CHRNA3: variants seen among roughly 807,000 people sequenced by gnomAD.
CHRNA3 encodes the protein neuronal acetylcholine receptor subunit alpha-3.
In CHRNA3, 34 loss-of-function variants were observed where a neutral mutation model predicts 41.9. The ratio of observed to expected loss-of-function variants is 0.81; its 90% CI spans 0.62 to 1.08. The LOEUF is 1.08. CHRNA3 is among the 50% of genes least tolerant of loss of function. CHRNA3 has a pLI of 0.00. For synonymous variants in CHRNA3, 281 were observed against 265.2 expected (o/e 1.06, Z -0.58); for missense variants, 542 against 638.3 (o/e 0.85, Z 1.63).
At chr15:78,620,409 C>A in intron 1 of CHRNA3, 2 of 262,038 alleles carry the variant, frequency 7.6e-6, no homozygotes, top group Non-Finnish European at 1.5e-5. Context: ...ACGCGAATCC[C>A]CAACTCCTGC....
rs539724830 is a variant in CHRNA3, at chr15:78,614,275, A to T, written c.377+2749T>A. 5.9e-5 allele frequency among the ~76,000 whole-genome samples: 9 copies of T among 152,314 alleles called. No homozygotes were observed. In the South Asian group the frequency reaches 1.9e-3, roughly 32 times the overall value. ...CATTTTCTTAATTGTAGCTTAGCAA[A>T]AATTCTCTACACCCTGCCCAGTTCC... On this transcript the variant is annotated intron_variant, in intron 4 of 5. Coordinates refer to ENST00000326828, the MANE Select transcript of CHRNA3 (RefSeq NM_000743.5).
chr15:78,613,244 C>T (rs2053408013), intron 4 of CHRNA3, among the ~76,000 whole-genome samples: 1 of 152,186 alleles, frequency 6.6e-6, no homozygotes, highest in Non-Finnish European at 1.5e-5. Flanking sequence ...GACTATAAAT[C>T]ATGCTGTTAT....
At chr15:78,600,467 C>T (rs2053180312) in intron 5 of CHRNA3, among the ~76,000 whole-genome samples, 1 of 152,152 alleles carries the variant, frequency 6.6e-6, no homozygotes, top group Admixed American at 6.5e-5. Context: ...TATATCTTTA[C>T]CTGGGTCTTG....
chr15:78,598,173 C>T (rs2053141510), intron 5 of CHRNA3, among the ~76,000 whole-genome samples: 1 of 152,158 alleles, frequency 6.6e-6, no homozygotes, highest in Admixed American at 6.6e-5. Context: ...AATTCCATGA[C>T]CGCTCTTAGC....
chr15:78,620,901 C>T lies in CHRNA3; in HGVS notation c.-107G>A. 8.0e-7 allele frequency: 1 copy of T among 1,246,900 alleles called. No individual in the cohort carries two copies. Among genetic ancestry groups the T allele is most frequent in the Non-Finnish European group, 1.0e-6 (1 of 996,182 alleles). 77.2% of individuals were successfully genotyped at this position (1,246,900 alleles called of 1,614,324 possible). A position where few individuals can be genotyped will look rare whatever the true frequency, so the allele number is the denominator to read the frequency against. On this transcript the variant is annotated 5_prime_UTR_variant, in exon 1 of 6. Transcript: ENST00000326828. ...TCCAGCGCAGACCCCAGACCTGGAGCCGTGCGGGCGGAGACGCGCGGGGCT... is the reference window on the plus strand; with the variant it reads ...TCCAGCGCAGACCCCAGACCTGGAGTCGTGCGGGCGGAGACGCGCGGGGCT...
chr15:78,617,354 G>A (rs1165753291), intron 3 of CHRNA3, among the ~76,000 whole-genome samples: 1 of 152,120 alleles, frequency 6.6e-6, no homozygotes, highest in Admixed American at 6.5e-5. Flanking sequence ...GGAAGCCACT[G>A]CCCCCATAAC....
chr15:78,596,723 C>T lies in CHRNA3; in HGVS notation c.1399G>A (p.Asp467Asn). ...AQNEAKEIQDDWKYVAMVIDR... is the reference protein window; with the variant it reads ...AQNEAKEIQDNWKYVAMVIDR... ...ATCACCATGGCAACATACTTCCAAT[C>T]ATCTTGAATCTGCAAAACAAAATGA... Residue 467 changes from aspartate (D) to asparagine (N), a missense_variant, in exon 6 of 6, where the codon GAT becomes AAT. Coordinates refer to ENST00000326828, the MANE Select transcript of CHRNA3 (RefSeq NM_000743.5). 6.2e-7 allele frequency: 1 copy of T among 1,601,082 alleles called. No individual in the cohort carries two copies.
intron 4 of CHRNA3, among the ~76,000 whole-genome samples, chr15:78,613,778 A>AAAAAAAAAAAC (rs2053420883): frequency 7.9e-6 from 1 of 126,446 alleles, no homozygotes; most frequent in Non-Finnish European, 1.6e-5. Context: ...AAAAAAAACC[A>AAAAAAAAAAAC]AAAAAAACCA....
rs1386498088 is a variant in CHRNA3, at chr15:78,618,911, G to C, written c.87C>G (p.Ala29=). Residue 29 remains alanine, a synonymous_variant, in exon 2 of 6, where the codon GCC becomes GCG. Coordinates refer to ENST00000326828, the MANE Select transcript of CHRNA3 (RefSeq NM_000743.5). The part of the protein sequence containing the change: ...LLLLLSLLPV[A]RASEAEHRLF... ...GACGGTGCTCAGCCTCTGAGGCCCT[G>C]GCCACTGTGGGAAGCAGCCCTGTCA... 1.2e-6 allele frequency: 2 copies of C among 1,613,232 alleles called. No individual in the cohort carries two copies. Among genetic ancestry groups the C allele is most frequent in the Non-Finnish European group, 1.7e-6 (2 of 1,179,956 alleles).
At chr15:78,593,588 A>C (rs1023503238), downstream of CHRNA3, 1 of 168,610 alleles carries the variant, frequency 5.9e-6, no homozygotes, top group African/African-American at 2.4e-5. Context: ...TTCCAGTTGT[A>C]TTTGAAGACT....
At position 78,618,572 on chromosome 15, in the gene CHRNA3, C is replaced by T. The variant is rs754240242; in HGVS notation, c.267+45G>A. The T allele has an allele frequency of 4.3e-6, 7 of 1,611,326 alleles. No homozygotes were observed. The East Asian group carries it at 1.6e-4, about 36-fold the overall frequency. On this transcript the variant is annotated intron_variant, in intron 3 of 5. Coordinates refer to ENST00000326828, the MANE Select transcript of CHRNA3 (RefSeq NM_000743.5). ...CTTGGTTCACCTAAAGCAAATAAAA[C>T]AGTCACCACCAGGGGGCAGCAGTGC...
At position 78,601,528 on chromosome 15, in the gene CHRNA3, G is replaced by A. The variant is rs377526041; in HGVS notation, c.1114C>T (p.Leu372Phe). Residue 372 changes from leucine to phenylalanine, a missense_variant, in exon 5 of 6, where the codon CTC becomes TTC. By Grantham distance (22) the Leu-to-Phe change is conservative (BLOSUM62 0). Transcript: ENST00000326828. ...NEGNAQKPRP[L>F]YGAELSNLNC... ...AGATTTGAGAGCTCGGCACCGTAGA[G>A]GGGCCTCGGCTTCTGAGCGTTGCCC... 4 of 1,614,040 alleles carry A rather than the reference G, an allele frequency of 2.5e-6. No individual in the cohort carries two copies. Among genetic ancestry groups the A allele is most frequent in the Non-Finnish European group, 3.4e-6 (4 of 1,180,044 alleles).
At chr15:78,604,996 G>A (rs1596075830) in intron 4 of CHRNA3, among the ~76,000 whole-genome samples, 1 of 77,854 alleles carries the variant, frequency 1.3e-5, no homozygotes, top group South Asian at 6.1e-4. Flanking sequence ...CTGGGTGACA[G>A]AGTGAGATTC....
Position 78,617,103 on chromosome 15 carries a change from G to A in CHRNA3, c.298C>T (p.Pro100Ser), listed in dbSNP as rs1192780226. The change falls in exon 4 of 6, where the codon CCC becomes TCC. Residue 100 changes from proline (P) to serine (S), a missense_variant. Transcript: ENST00000326828. ...IWNDYKLKWNPSDYGGAEFMR... is the reference protein window; with the variant it reads ...IWNDYKLKWNSSDYGGAEFMR... The stretch of plus-strand genomic sequence containing the variant: ...AACTCTGCCCCACCATAGTCAGAGG[G>A]GTTCCATTTCAGCTTGTAGTCATTC... The A allele has an allele frequency of 1.2e-6, 2 of 1,613,602 alleles. No homozygotes were observed. The highest frequency in any genetic ancestry group is 1.7e-6 in the Non-Finnish European group (2 of 1,179,656).
intron 4 of CHRNA3, among the ~76,000 whole-genome samples, chr15:78,616,577 C>T (rs1031222503): frequency 6.6e-6 from 1 of 152,120 alleles, no homozygotes; most frequent in Non-Finnish European, 1.5e-5. Context: ...CTGAGCCTTC[C>T]CCCTCCACAC....
intron 4 of CHRNA3, among the ~76,000 whole-genome samples, chr15:78,604,790 A>C (rs1428408962): frequency 1.3e-5 from 2 of 152,222 alleles, no homozygotes; most frequent in Non-Finnish European, 2.9e-5. Flanking sequence ...AGGCGGGCAG[A>C]TCACCTGAGG....
In CHRNA3 at chr15:78,595,433, C is replaced by CT; in HGVS notation, c.*1170dup. 1.0e-6 allele frequency: 1 copy of CT among 984,938 alleles called. No individual in the cohort carries two copies. The highest frequency in any genetic ancestry group is 1.2e-6 in the Non-Finnish European group (1 of 829,540). The allele number at this position is 984,938 out of a possible 1,614,324, so 61.0% of individuals were successfully genotyped here. A position where few individuals can be genotyped will look rare whatever the true frequency, so the allele number is the denominator to read the frequency against. On this transcript the variant is annotated 3_prime_UTR_variant, in exon 6 of 6. Coordinates refer to ENST00000326828, the MANE Select transcript of CHRNA3 (RefSeq NM_000743.5). ...TTTCAGAAGTGTAGTACATGATACTCTTAACAATTTGTCTAAAGCAATGTT... is the reference window on the plus strand; with the variant it reads ...TTTCAGAAGTGTAGTACATGATACTCTTTAACAATTTGTCTAAAGCAATGTT...
In CHRNA3 at chr15:78,601,429, A is replaced by C. The variant is rs1250193936; in HGVS notation, c.1213T>G (p.Cys405Gly). The C allele has an allele frequency of 3.1e-6, 5 of 1,614,016 alleles. No individual in the cohort carries two copies. The Admixed American group carries it at 8.3e-5, about 27-fold the overall frequency. Reference protein sequence around the residue: ...YPCQDGMCGYCHHRRIKISNF... With the variant: ...YPCQDGMCGYGHHRRIKISNF... ...GAGATTTTTATCCTGCGGTGGTGGC[A>C]GTAACCACACATCCCGTCCTGGCAG... Residue 405 changes from cysteine (C) to glycine (G), a missense_variant, in exon 5 of 6, where the codon TGC (cysteine) becomes GGC (glycine). Physicochemically the swap from Cys to Gly is radical, Grantham distance 159. Transcript: ENST00000326828.
At chr15:78,602,845 T>TC (rs1177541056) in intron 4 of CHRNA3, among the ~76,000 whole-genome samples, 1 of 152,060 alleles carries the variant, frequency 6.6e-6, no homozygotes, top group Non-Finnish European at 1.5e-5. Flanking sequence ...CCCTGTACCC[T>TC]CCCCACCCCC....
Sources: gnomAD v4.1 joint callset for allele counts (sites outside exome capture counted in the v4.1 genomes callset) on GRCh38, gnomAD v4.1.1 for gene constraint, MANE v1.5 for transcripts, NCBI Gene and HGNC (gene_info 2026-07-23, HGNC 2026-07-21) for gene names.